The following KAZN variants were observed in gnomAD, a reference collection of about 807,000 sequenced individuals.
KAZN encodes kazrin.
KAZN carries 40 observed loss-of-function variants against 87.4 expected under a neutral mutation model. That is an observed-to-expected ratio of 0.46 (90% CI 0.36 to 0.60). The LOEUF (loss-of-function observed/expected upper bound fraction) is 0.60. KAZN is among the 20% of genes least tolerant of loss of function. The pLI, the probability that KAZN is intolerant of heterozygous loss-of-function variation, is 0.00. For synonymous variants in KAZN, 466 were observed against 458.3 expected, an observed-to-expected ratio of 1.02 and a Z score of -0.22; for missense variants, 898 against 1,073.9, an observed-to-expected ratio of 0.84 and a Z score of 2.29.
intron 1 of KAZN, among the ~76,000 whole-genome samples, chr1:14,071,449 G>C (rs1034655467): frequency 2.6e-5 from 4 of 152,338 alleles, no homozygotes; most frequent in South Asian, 2.1e-4. Flanking sequence ...GGTTGCTACA[G>C]TCAGAAACAA....
chr1:15,059,058 A>G (rs1169574428), intron 5 of KAZN, among the ~76,000 whole-genome samples: 1 of 151,858 alleles, frequency 6.6e-6, no homozygotes, highest in African/African-American at 2.4e-5. Flanking sequence ...GAACGATGAC[A>G]GATTGTAATT....
chr1:15,065,539 C>T lies in KAZN; in HGVS notation c.1099-91C>T. 3 of 1,170,360 alleles carry T rather than the reference C, an allele frequency of 2.6e-6. No individual in the cohort carries two copies. In the East Asian group the frequency reaches 7.2e-5, roughly 28 times the overall value. The allele number at this position is 1,170,360 out of a possible 1,614,324, so 72.5% of individuals were successfully genotyped here. A position where few individuals can be genotyped will look rare whatever the true frequency, so the allele number is the denominator to read the frequency against. On this transcript the variant is annotated intron_variant, in intron 7 of 14. Transcript: ENST00000376030. ...TAAAGCTCAGAGAGGCCTTCCCCACCCCGGATCCCATCCACTGCAGTCTGC... is the reference window on the plus strand; with the variant it reads ...TAAAGCTCAGAGAGGCCTTCCCCACTCCGGATCCCATCCACTGCAGTCTGC...
At chr1:14,971,933 G>C (rs10927604) in intron 2 of KAZN, among the ~76,000 whole-genome samples, 57,352 of 151,882 alleles carry the variant, frequency 0.38, 12,289 homozygotes, top group African/African-American at 0.59. Context: ...TCCCCTGCAG[G>C]GCATTGAGCA....
chr1:14,682,311 A>G (rs1227759027), intron 1 of KAZN, among the ~76,000 whole-genome samples: 2 of 142,502 alleles, frequency 1.4e-5, no homozygotes, highest in African/African-American at 5.1e-5. Context: ...TTTTTAAGAC[A>G]GGGTCTTGCT....
intron 1 of KAZN, among the ~76,000 whole-genome samples, chr1:13,983,421 T>C (rs1193765806): frequency 3.3e-5 from 5 of 152,232 alleles, no homozygotes; most frequent in African/African-American, 1.2e-4. Context: ...AAGTCCCTCA[T>C]TGCCTGGAGC....
chr1:14,830,807 A>G (rs1479630667), intron 1 of KAZN, among the ~76,000 whole-genome samples: 1 of 152,130 alleles, frequency 6.6e-6, no homozygotes, highest in Non-Finnish European at 1.5e-5. Flanking sequence ...CTCCCACAAC[A>G]CTGGGGATTA....
intron 1 of KAZN, among the ~76,000 whole-genome samples, chr1:14,947,604 G>A (rs1242941012): frequency 6.6e-6 from 1 of 152,232 alleles, no homozygotes; most frequent in Non-Finnish European, 1.5e-5. Context: ...CAGTGGTTAG[G>A]AACATGAGCT....
intron 2 of KAZN, among the ~76,000 whole-genome samples, chr1:14,502,527 T>C (rs547321129): frequency 2.0e-3 from 300 of 152,326 alleles, no homozygotes; most frequent in African/African-American, 6.8e-3. Flanking sequence ...AGCTCTCTTC[T>C]TTAGAGCCCT....
At chr1:14,326,113 T>C (rs1256256694) in intron 2 of KAZN, among the ~76,000 whole-genome samples, 2 of 152,122 alleles carry the variant, frequency 1.3e-5, no homozygotes, top group Non-Finnish European at 2.9e-5. Context: ...TTAATTGACA[T>C]CTCCCCTTGA....
At chr1:14,422,170 T>C (rs1034241918) in intron 2 of KAZN, among the ~76,000 whole-genome samples, 9 of 152,200 alleles carry the variant, frequency 5.9e-5, no homozygotes, top group Non-Finnish European at 1.2e-4. Context: ...ATTTTAAACT[T>C]AAATTGAATT....
intron 2 of KAZN, among the ~76,000 whole-genome samples, chr1:14,456,274 G>A (rs1271411533): frequency 6.6e-6 from 1 of 152,152 alleles, no homozygotes; most frequent in Non-Finnish European, 1.5e-5. Flanking sequence ...ATCAGATTTC[G>A]TGATAATTAC....
Position 14,724,784 on chromosome 1 carries a change from T to C in KAZN, c.226+125561T>C, listed in dbSNP as rs542982551. ...TGATGGGCTGCGGTGGAATTGAGCC[T>C]CTATTTATAATTCTTCCATGGTCTG... On this transcript the variant is annotated intron_variant, in intron 1 of 14. Coordinates refer to ENST00000376030, the MANE Select transcript of KAZN (RefSeq NM_201628.3). Among the ~76,000 whole-genome samples the C allele has an allele frequency of 5.9e-5, 9 of 152,390 alleles. No homozygotes were observed. The South Asian group carries it at 1.9e-3, about 32-fold the overall frequency.
In KAZN at chr1:14,735,329, G is replaced by A. The variant is rs1643869416; in HGVS notation, c.226+136106G>A. ...CCCGCCTCGGCCTCCCAAAGTGCTG[G>A]GATTACAGGCGTGAGCCACCGCGCC... On this transcript the variant is annotated intron_variant, in intron 1 of 14. Transcript: ENST00000376030. This position sits in a 1 kb window ranked among gnomAD's most constrained non-coding sequence, Gnocchi z 4.3. Among the ~76,000 whole-genome samples, 1 of 152,186 alleles carries A rather than the reference G, an allele frequency of 6.6e-6. No individual in the cohort carries two copies. Among genetic ancestry groups the A allele is most frequent in the Non-Finnish European group, 1.5e-5 (1 of 68,024 alleles).
At chr1:14,065,804 T>C (rs1642984391) in intron 1 of KAZN, among the ~76,000 whole-genome samples, 1 of 152,198 alleles carries the variant, frequency 6.6e-6, no homozygotes, top group Non-Finnish European at 1.5e-5. Context: ...CTTTGGTTTC[T>C]TTCTTTTTAG....
intron 1 of KAZN, among the ~76,000 whole-genome samples, chr1:14,652,077 T>C (rs34746332): frequency 0.27 from 41,320 of 152,136 alleles, 5,868 homozygotes; most frequent in South Asian, 0.36. Context: ...CACCAGGCCA[T>C]ATGTGAGGGC....
At chr1:14,438,499 G>A (rs1029286062) in intron 2 of KAZN, among the ~76,000 whole-genome samples, 1 of 152,210 alleles carries the variant, frequency 6.6e-6, no homozygotes, top group Non-Finnish European at 1.5e-5. Context: ...TCAGGTATCT[G>A]GGGGAAGAAC....
intron 1 of KAZN, among the ~76,000 whole-genome samples, chr1:14,713,863 G>A (rs973007634): frequency 2.0e-5 from 3 of 151,876 alleles, no homozygotes; most frequent in African/African-American, 7.3e-5. Flanking sequence ...GGCCGAGCGG[G>A]GAGGATCGCT....
chr1:14,048,281 C>T (rs1471451867), intron 1 of KAZN, among the ~76,000 whole-genome samples: 2 of 152,212 alleles, frequency 1.3e-5, no homozygotes. Context: ...AACCCATCTC[C>T]TCTTCTCCAT....
rs72869045 is a variant in KAZN at position 14,373,161 on chromosome 1, T to C, written c.249+192569T>C. 3.5e-3 allele frequency among the ~76,000 whole-genome samples: 534 copies of C among 151,660 alleles called. 6 individuals carry two copies. The highest frequency in any genetic ancestry group is 0.012 in the African/African-American group (505 of 41,186). On this transcript the variant is annotated intron_variant, in intron 2 of 16. Transcript: ENST00000636203. ...TTTCTGGGAAGTGGATATAGTCTCA[T>C]TGCTCCAGTATTTGTTAGGGTTCTC...
Sources: gnomAD v4.1 joint callset for allele counts (sites outside exome capture counted in the v4.1 genomes callset) on GRCh38, gnomAD v4.1.1 for gene constraint, Gnocchi (gnomAD v3.1) non-coding constraint, MANE v1.5 for transcripts, NCBI Gene and HGNC (gene_info 2026-07-23, HGNC 2026-07-21) for gene names.